The following LCORL variants were observed in gnomAD, a reference collection of about 807,000 sequenced individuals.
The protein encoded by LCORL is ligand-dependent nuclear receptor corepressor-like protein.
A neutral mutation model predicts 141.8 loss-of-function variants in LCORL; 41 were observed. That is an observed-to-expected ratio of 0.29 (90% CI 0.23 to 0.38). The LOEUF (loss-of-function observed/expected upper bound fraction) is 0.38, where lower values mean the gene tolerates loss of function less well. Ranked by LOEUF, LCORL falls within the 10% of genes least tolerant of loss-of-function variation. The pLI, the probability that LCORL is intolerant of heterozygous loss-of-function variation, is 1.00. For synonymous variants in LCORL, 618 were observed against 694.1 expected, an observed-to-expected ratio of 0.89 and a Z score of 1.72; for missense variants, 1,759 against 2,035.0, an observed-to-expected ratio of 0.86 and a Z score of 2.61.
intron 7 of LCORL, among the ~76,000 whole-genome samples, chr4:17,863,033 G>T (rs995964294): frequency 1.3e-5 from 2 of 152,172 alleles, no homozygotes; most frequent in African/African-American, 4.8e-5. Context: ...GTGGGCAAAG[G>T]GGTCGGGCAT....
At chr4:17,949,253 C>T (rs545481314) in intron 4 of LCORL, among the ~76,000 whole-genome samples, 1 of 152,190 alleles carries the variant, frequency 6.6e-6, no homozygotes, top group South Asian at 2.1e-4. Flanking sequence ...CAGATCCCTC[C>T]TCTCCTTCTC....
chr4:17,995,495 G>A (rs1368904527), intron 1 of LCORL, among the ~76,000 whole-genome samples: 8 of 151,906 alleles, frequency 5.3e-5, no homozygotes, highest in Admixed American at 3.3e-4. Flanking sequence ...TAAAGAAACC[G>A]GATCAATGTA....
intron 4 of LCORL, among the ~76,000 whole-genome samples, chr4:17,926,643 T>C (rs930567604): frequency 2.6e-5 from 4 of 152,258 alleles, no homozygotes; most frequent in African/African-American, 7.2e-5. Context: ...AGACAGCCTA[T>C]TATGGGACTT....
At chr4:17,866,935 C>T in intron 7 of LCORL, 1 of 968,306 alleles carries the variant, frequency 1.0e-6, no homozygotes, top group Non-Finnish European at 1.2e-6. Context: ...GGCATTGAAA[C>T]CAATCTCCTT....
chr4:17,912,195 C>T (rs1205109412), intron 4 of LCORL: 3 of 842,812 alleles, frequency 3.6e-6, no homozygotes, highest in Non-Finnish European at 6.1e-6. Flanking sequence ...ACTTTAGAGT[C>T]AAGTATGAGA....
chr4:17,945,283 T>C (rs1010712028), intron 4 of LCORL, among the ~76,000 whole-genome samples: 1 of 152,096 alleles, frequency 6.6e-6, no homozygotes, highest in Non-Finnish European at 1.5e-5. Flanking sequence ...AAGATGATAA[T>C]CTTTTAAATT....
At chr4:17,946,562 T>A (rs527563208) in intron 4 of LCORL, among the ~76,000 whole-genome samples, 1 of 152,080 alleles carries the variant, frequency 6.6e-6, no homozygotes, top group East Asian at 1.9e-4. Context: ...AAAATATAAA[T>A]CTTATTTAGG....
At chr4:17,945,220 GTAT>G (rs1016278224) in intron 4 of LCORL, among the ~76,000 whole-genome samples, 2 of 151,962 alleles carry the variant, frequency 1.3e-5, no homozygotes, top group Non-Finnish European at 2.9e-5. Flanking sequence ...GAAAACTCAT[GTAT>G]TATTAGAGCA....
intron 7 of LCORL, among the ~76,000 whole-genome samples, chr4:17,865,212 C>G (rs1725500861): frequency 6.6e-6 from 1 of 152,184 alleles, no homozygotes; most frequent in Admixed American, 6.5e-5. Flanking sequence ...TTCAAGAACA[C>G]ACAGAACATT....
exon 7 of LCORL, chr4:17,873,992 G>A: frequency 1.6e-6 from 2 of 1,234,062 alleles, no homozygotes; most frequent in Non-Finnish European, 2.0e-6. Flanking sequence ...AGTCACCCCT[G>A]ATCTCAGGTG....
intron 1 of LCORL, among the ~76,000 whole-genome samples, chr4:17,979,366 A>G (rs1191290431): frequency 6.6e-6 from 1 of 152,194 alleles, no homozygotes. Flanking sequence ...ACAGGAGAAG[A>G]TAAGTCCAAA....
chr4:17,955,281 T>C (rs113815012), intron 4 of LCORL, among the ~76,000 whole-genome samples: 2,177 of 152,216 alleles, frequency 0.014, 20 homozygotes, highest in Middle Eastern at 0.021. Flanking sequence ...TGGCATTCCT[T>C]TGAATAGGAC....
At chr4:17,916,028 A>G (rs1733339844) in intron 4 of LCORL, among the ~76,000 whole-genome samples, 1 of 152,146 alleles carries the variant, frequency 6.6e-6, no homozygotes, top group Non-Finnish European at 1.5e-5. Flanking sequence ...TGAAACTTGT[A>G]TTTGTTTTAT....
chr4:17,988,283 T>C (rs1335764300), intron 1 of LCORL, among the ~76,000 whole-genome samples: 1 of 152,140 alleles, frequency 6.6e-6, no homozygotes, highest in African/African-American at 2.4e-5. Context: ...TTATCAGCAG[T>C]GTGAAACTAA....
intron 4 of LCORL, among the ~76,000 whole-genome samples, chr4:17,916,643 C>CTTTTTTTTTTTTTTTTT (rs1057287592): frequency 8.8e-6 from 1 of 113,134 alleles, no homozygotes; most frequent in African/African-American, 3.3e-5. Context: ...AATTAAATGT[C>CTTTTTTTTTTTTTTTTT]TTTTTTTTTT....
intron 5 of LCORL, among the ~76,000 whole-genome samples, chr4:17,904,952 ACATTCATTTAAAGTATAAT>A (rs1731387911): frequency 6.6e-6 from 1 of 152,130 alleles, no homozygotes. Context: ...ATCAGTCCTC[ACATTCATTTAAAGTATAAT>A]CATTCATTTT....
intron 1 of LCORL, among the ~76,000 whole-genome samples, chr4:18,005,328 C>T (rs12513324): frequency 0.24 from 36,177 of 152,070 alleles, 5,485 homozygotes; most frequent in African/African-American, 0.43. Flanking sequence ...CCTGTGGCTC[C>T]GCAGGGTACA....
intron 6 of LCORL, chr4:17,882,492 TAA>T: frequency 2.0e-6 from 2 of 984,554 alleles, no homozygotes; most frequent in Non-Finnish European, 2.4e-6. Flanking sequence ...ATGAGTCTAG[TAA>T]AAGTTAAAAT....
chr4:17,877,426 C>T (rs188027468), exon 7 of LCORL: 2 of 1,229,316 alleles, frequency 1.6e-6, no homozygotes, highest in Non-Finnish European at 2.0e-6. Flanking sequence ...GCAGTTTCAC[C>T]TTTTTCATGA....
Sources: gnomAD v4.1 joint callset for allele counts (sites outside exome capture counted in the v4.1 genomes callset) on GRCh38, gnomAD v4.1.1 for gene constraint, MANE v1.5 for transcripts, NCBI Gene and HGNC (gene_info 2026-07-23, HGNC 2026-07-21) for gene names.